The following MLLT10 variants were observed in gnomAD, a reference collection of about 807,000 sequenced individuals.
MLLT10 encodes the protein MLLT10 histone lysine methyltransferase DOT1L cofactor.
MLLT10 carries 30 observed loss-of-function variants against 129.1 expected under a neutral mutation model. The ratio of observed to expected loss-of-function variants is 0.23; its 90% confidence interval spans 0.17 to 0.32. The LOEUF (loss-of-function observed/expected upper bound fraction) is 0.32. Among genes scored for constraint, MLLT10 ranks in the 10% least tolerant of loss-of-function variants. MLLT10 has a pLI of 1.00. For missense variants in MLLT10, 1,119 were observed against 1,268.3 expected (o/e 0.88, Z 1.79); for synonymous variants, 490 against 446.4 (o/e 1.10, Z -1.23).
At chr10:21,566,912 C>T (rs2039646237) in intron 3 of MLLT10, among the ~76,000 whole-genome samples, 1 of 152,062 alleles carries the variant, frequency 6.6e-6, no homozygotes, top group African/African-American at 2.4e-5. Flanking sequence ...CTTCCGGGTT[C>T]AAGCGATTCT....
intron 5 of MLLT10, among the ~76,000 whole-genome samples, chr10:21,604,244 A>C (rs1251791563): frequency 4.6e-5 from 7 of 152,062 alleles, no homozygotes; most frequent in Non-Finnish European, 5.9e-5. Context: ...CCCAAATCTC[A>C]TCTTCTGAAT....
At chr10:21,734,197 T>G in intron 20 of MLLT10, 68 bp downstream of exon 20, 5 of 1,506,270 alleles carry the variant, frequency 3.3e-6, no homozygotes, top group Non-Finnish European at 4.4e-6. Context: ...ATGCCTTAGA[T>G]TGGGGCTTTC....
chr10:21,533,997 G>A (rs899462282), upstream of MLLT10, among the ~76,000 whole-genome samples: 2 of 151,946 alleles, frequency 1.3e-5, no homozygotes, highest in African/African-American at 4.8e-5. Context: ...GCTGCAGAGG[G>A]CGGCCCTAAC....
chr10:21,704,463 T>A lies in MLLT10; in HGVS notation c.1700-9309T>A, dbSNP rs112514880. ...TCATGTCCTGAATAACCATTCTGATTTCTTTGTATTTTCAGAATTATTTTG... is the reference window on the plus strand; with the variant it reads ...TCATGTCCTGAATAACCATTCTGATATCTTTGTATTTTCAGAATTATTTTG... On this transcript the variant is annotated intron_variant, in intron 13 of 22. Coordinates refer to ENST00000307729, the MANE Select transcript of MLLT10 (RefSeq NM_001195626.3). 2.3e-3 allele frequency among the ~76,000 whole-genome samples: 351 copies of A among 151,326 alleles called. 1 individual carries two copies. Among genetic ancestry groups the A allele is most frequent in the African/African-American group, 8.0e-3 (330 of 41,328 alleles).
intron 2 of MLLT10, among the ~76,000 whole-genome samples, chr10:21,538,598 C>T (rs1369554322): frequency 2.0e-5 from 3 of 152,112 alleles, no homozygotes; most frequent in Admixed American, 2.0e-4. Flanking sequence ...TGAACCATTG[C>T]ACCCAGCCTT....
chr10:21,675,944 C>T (rs986369191), intron 11 of MLLT10, among the ~76,000 whole-genome samples: 1 of 152,062 alleles, frequency 6.6e-6, no homozygotes, highest in African/African-American at 2.4e-5. Flanking sequence ...TAGTGTTCCT[C>T]ATAGGATGGT....
At chr10:21,604,271 G>T (rs1223714371) in intron 5 of MLLT10, among the ~76,000 whole-genome samples, 1 of 152,130 alleles carries the variant, frequency 6.6e-6, no homozygotes, top group Admixed American at 6.5e-5. Context: ...AATTGGCGAT[G>T]GATTAAGACT....
intron 3 of MLLT10, among the ~76,000 whole-genome samples, chr10:21,567,195 A>G (rs1156554519): frequency 2.6e-5 from 4 of 152,156 alleles, no homozygotes; most frequent in African/African-American, 7.2e-5. Context: ...CACTTACTTA[A>G]ACAACTGTTT....
chr10:21,718,955 C>T (rs976390312), intron 14 of MLLT10, among the ~76,000 whole-genome samples: 1 of 152,198 alleles, frequency 6.6e-6, no homozygotes, highest in Non-Finnish European at 1.5e-5. Context: ...AACTCCTGAC[C>T]TCATGATCCA....
At position 21,565,432 on chromosome 10, in the gene MLLT10, C is replaced by T. The variant is rs1470377032; in HGVS notation, c.241-20862C>T. Among the ~76,000 whole-genome samples, 5 of 151,970 alleles carry T rather than the reference C, an allele frequency of 3.3e-5. No individual in the cohort carries two copies. The East Asian group carries it at 7.7e-4, about 24-fold the overall frequency. On this transcript the variant is annotated intron_variant, in intron 3 of 22. Coordinates refer to ENST00000307729, the MANE Select transcript of MLLT10 (RefSeq NM_001195626.3). ...AAGCGATTCTTCTGCCTCAGCCTCT[C>T]GAGTAGCTGGGATTACAGGCGCCCG...
At chr10:21,652,402 A>G (rs899121313) in intron 9 of MLLT10, among the ~76,000 whole-genome samples, 5 of 152,116 alleles carry the variant, frequency 3.3e-5, no homozygotes, top group Admixed American at 1.3e-4. Context: ...AGGTTAATTA[A>G]CCTTGGTTAA....
rs73592591 is a variant in MLLT10 at position 21,617,381 on chromosome 10, A to G, written c.699+174A>G. Among the ~76,000 whole-genome samples, 251 of 152,298 alleles carry G rather than the reference A, an allele frequency of 1.6e-3. 1 individual carries two copies. Among genetic ancestry groups the G allele is most frequent in the African/African-American group, 5.6e-3 (234 of 41,582 alleles). On this transcript the variant is annotated intron_variant, in intron 8 of 22. Transcript: ENST00000307729. ...GATAGGTTTAATGCCATATTTGTGA[A>G]TATGGTTTTACCCATTGCAACTGAA...
intron 3 of MLLT10, among the ~76,000 whole-genome samples, chr10:21,574,569 A>G (rs1278768439): frequency 6.6e-6 from 1 of 152,220 alleles, no homozygotes; most frequent in Admixed American, 6.5e-5. Flanking sequence ...GAGCAGTGCC[A>G]TGGCTGCTGG....
chr10:21,620,748 T>C (rs1016555105), intron 8 of MLLT10, among the ~76,000 whole-genome samples: 16 of 152,104 alleles, frequency 1.1e-4, no homozygotes, highest in Non-Finnish European at 2.1e-4. Flanking sequence ...TGGAGTGCAG[T>C]GGCTCGATCT....
intron 13 of MLLT10, among the ~76,000 whole-genome samples, chr10:21,712,203 C>CATTTTTTTATTT (rs2056160003): frequency 6.7e-6 from 1 of 150,132 alleles, no homozygotes; most frequent in Admixed American, 6.6e-5. Context: ...TCAATAACTT[C>CATTTTTTTATTT]ATTTATTTAT....
intron 4 of MLLT10, among the ~76,000 whole-genome samples, chr10:21,591,627 A>G (rs565418527): frequency 5.9e-5 from 9 of 152,104 alleles, no homozygotes; most frequent in African/African-American, 1.9e-4. Context: ...CTCTTCCTAT[A>G]TATATATACA....
chr10:21,587,399 A>C (rs2042087408), intron 4 of MLLT10, among the ~76,000 whole-genome samples: 1 of 133,352 alleles, frequency 7.5e-6, no homozygotes, highest in Non-Finnish European at 1.6e-5. Flanking sequence ...AGTCCCTGGG[A>C]TGGGTGAGAG....
intron 16 of MLLT10, among the ~76,000 whole-genome samples, chr10:21,729,265 C>A (rs772771878): frequency 1.8e-4 from 28 of 151,966 alleles, no homozygotes; most frequent in Non-Finnish European, 3.7e-4. Flanking sequence ...TTCTCTGTTG[C>A]CCTTTTAAAC....
intron 14 of MLLT10, among the ~76,000 whole-genome samples, 166 bp from the exon 15 acceptor site, chr10:21,726,078 A>G (rs2057487084): frequency 6.6e-6 from 1 of 152,184 alleles, no homozygotes; most frequent in African/African-American, 2.4e-5. Context: ...AAAAATTGAC[A>G]TGTTGAATGG....
Sources: gnomAD v4.1 joint callset for allele counts (sites outside exome capture counted in the v4.1 genomes callset) on GRCh38, gnomAD v4.1.1 for gene constraint, MANE v1.5 for transcripts, NCBI Gene and HGNC (gene_info 2026-07-23, HGNC 2026-07-21) for gene names.